NYAP2: variants seen among roughly 807,000 people sequenced by gnomAD.
The protein encoded by NYAP2 is neuronal tyrosine-phosphorylated phosphoinositide-3-kinase adaptor 2.
In NYAP2, 23 loss-of-function variants were observed where a neutral mutation model predicts 50.4. That is an observed-to-expected ratio of 0.46 (90% CI 0.33 to 0.65). NYAP2 has a LOEUF of 0.65. NYAP2 is among the 30% of genes least tolerant of loss of function. The probability of loss-of-function intolerance (pLI) is 0.02; values close to 1 mark genes in which losing one functional copy is unlikely to be tolerated. For synonymous variants in NYAP2, 394 were observed against 365.2 expected (o/e 1.08, Z -0.90); for missense variants, 885 against 861.0 (o/e 1.03, Z -0.35).
chr2:225,645,681 A>G (rs1693622906), intron 6 of NYAP2, among the ~76,000 whole-genome samples: 1 of 152,132 alleles, frequency 6.6e-6, no homozygotes, highest in South Asian at 2.1e-4. Context: ...TTAATCTCTC[A>G]ATTAGGATTT....
intron 4 of NYAP2, among the ~76,000 whole-genome samples, chr2:225,563,016 A>G (rs1337731452): frequency 2.0e-5 from 3 of 152,132 alleles, no homozygotes; most frequent in African/African-American, 7.2e-5. Flanking sequence ...GAAATTAACA[A>G]AAGATGTTTA....
At chr2:225,461,894 CTTTTG>C (rs907943547) in intron 3 of NYAP2, among the ~76,000 whole-genome samples, 8 of 152,110 alleles carry the variant, frequency 5.3e-5, no homozygotes, top group Non-Finnish European at 8.8e-5. Context: ...AATTTATGTA[CTTTTG>C]TTTTATTATT....
intron 5 of NYAP2, among the ~76,000 whole-genome samples, chr2:225,594,124 T>C (rs938870857): frequency 6.6e-6 from 1 of 152,182 alleles, no homozygotes; most frequent in Non-Finnish European, 1.5e-5. Flanking sequence ...TCTATGTTTG[T>C]AGAAAGAAAG....
At chr2:225,451,588 C>T (rs1689653572) in intron 3 of NYAP2, among the ~76,000 whole-genome samples, 1 of 152,094 alleles carries the variant, frequency 6.6e-6, no homozygotes, top group East Asian at 1.9e-4. Flanking sequence ...TTTAGAATAA[C>T]AGGTAGACCA....
At chr2:225,412,255 C>CTTTTTTTTTTTTTTTTTTTTT (rs560637948) in intron 3 of NYAP2, among the ~76,000 whole-genome samples, 1 of 59,128 alleles carries the variant, frequency 1.7e-5, no homozygotes, top group Non-Finnish European at 3.3e-5. Flanking sequence ...CTGCGCCCGG[C>CTTTTTTTTTTTTTTTTTTTTT]TTTTTTTTTT....
intron 4 of NYAP2, among the ~76,000 whole-genome samples, chr2:225,556,310 C>T (rs1033187361): frequency 1.1e-4 from 17 of 152,124 alleles, no homozygotes; most frequent in Admixed American, 1.3e-4. Flanking sequence ...CAGGTATAAT[C>T]ATTATTTAAT....
At chr2:225,645,667 A>G (rs1053047577) in intron 6 of NYAP2, among the ~76,000 whole-genome samples, 3 of 152,190 alleles carry the variant, frequency 2.0e-5, no homozygotes, top group South Asian at 2.1e-4. Context: ...CTTCTAGTTA[A>G]TAATTAATCT....
At chr2:225,434,423 A>C (rs765851903) in intron 3 of NYAP2, among the ~76,000 whole-genome samples, 29 of 152,240 alleles carry the variant, frequency 1.9e-4, no homozygotes, top group Non-Finnish European at 4.0e-4. Context: ...TAGAGTTTAG[A>C]AGTTTGACAC....
At chr2:225,585,077 A>G (rs1270199520) in intron 5 of NYAP2, among the ~76,000 whole-genome samples, 1 of 152,234 alleles carries the variant, frequency 6.6e-6, no homozygotes, top group Non-Finnish European at 1.5e-5. Context: ...TCTGGTCTAC[A>G]ATGTCAATAG....
the NYAP2 span, among the ~76,000 whole-genome samples, chr2:225,669,274 T>C: frequency 2.0e-5 from 3 of 152,142 alleles, no homozygotes; most frequent in East Asian, 1.9e-4. Flanking sequence ...AAAGTCATTA[T>C]GGCACGTGAA....
At chr2:225,670,412 G>T in the NYAP2 span, among the ~76,000 whole-genome samples, 1 of 152,026 alleles carries the variant, frequency 6.6e-6, no homozygotes, top group African/African-American at 2.4e-5. Context: ...TAGTAGTGTG[G>T]TTCTGCCTAA....
chr2:225,663,356 T>TG, the NYAP2 span, among the ~76,000 whole-genome samples: 1 of 151,818 alleles, frequency 6.6e-6, no homozygotes, highest in African/African-American at 2.4e-5. Context: ...AGCAAAAGAG[T>TG]GATTGTAGTT....
chr2:225,689,523 A>G, the NYAP2 span, among the ~76,000 whole-genome samples: 1 of 152,134 alleles, frequency 6.6e-6, no homozygotes, highest in Non-Finnish European at 1.5e-5. Context: ...TGTACTCATG[A>G]TTTTGCATTC....
At chr2:225,663,948 C>A in the NYAP2 span, among the ~76,000 whole-genome samples, 1 of 152,148 alleles carries the variant, frequency 6.6e-6, no homozygotes, top group African/African-American at 2.4e-5. Flanking sequence ...TGACTCCTGG[C>A]AAACTATTGC....
chr2:225,497,449 G>T (rs1005018912), intron 3 of NYAP2, among the ~76,000 whole-genome samples: 1 of 152,180 alleles, frequency 6.6e-6, no homozygotes, highest in Non-Finnish European at 1.5e-5. Flanking sequence ...GAACTCTAAG[G>T]CCTGACTTTT....
intron 3 of NYAP2, among the ~76,000 whole-genome samples, chr2:225,496,609 T>A (rs1690510210): frequency 6.6e-6 from 1 of 152,170 alleles, no homozygotes; most frequent in Admixed American, 6.5e-5. Flanking sequence ...CAGAAAACCT[T>A]TGCCAAAGAA....
At chr2:225,425,247 C>G (rs1172986886) in intron 3 of NYAP2, among the ~76,000 whole-genome samples, 3 of 152,092 alleles carry the variant, frequency 2.0e-5, no homozygotes, top group African/African-American at 7.2e-5. Flanking sequence ...ATCTGCCAGC[C>G]TGGTTCGTTT....
chr2:225,486,779 C>A (rs1006390425), intron 3 of NYAP2, among the ~76,000 whole-genome samples: 26 of 152,176 alleles, frequency 1.7e-4, no homozygotes, highest in African/African-American at 5.6e-4. Flanking sequence ...TCTCCCTTCA[C>A]AGTTCAACCT....
At chr2:225,597,512 A>AATATATATATAT in intron 5 of NYAP2, among the ~76,000 whole-genome samples, 6,022 of 46,146 alleles carry the variant, frequency 0.13, 1,882 homozygotes, top group Middle Eastern at 0.22. Context: ...TCCAAGGAGA[A>AATATATATATAT]ATATATATAT....
Sources: allele counts gnomAD v4.1 joint callset (sites outside exome capture counted in the v4.1 genomes callset), GRCh38; gene constraint gnomAD v4.1.1; transcripts MANE v1.5; gene names NCBI Gene and HGNC (gene_info 2026-07-23, HGNC 2026-07-21).